Variants in RBL2 observed in about 807,000 individuals in gnomAD.
The protein encoded by RBL2 is retinoblastoma-like protein 2.
Under a neutral mutation model 126.0 loss-of-function variants are expected in RBL2, and 56 were observed. The ratio of observed to expected loss-of-function variants is 0.44; its 90% CI spans 0.36 to 0.56. The LOEUF (loss-of-function observed/expected upper bound fraction) is 0.56, where lower values mean the gene tolerates loss of function less well. RBL2 is among the 20% of genes least tolerant of loss of function. The pLI is 0.00. For missense variants in RBL2, 1,229 were observed against 1,398.2 expected (o/e 0.88, Z 1.93); for synonymous variants, 454 against 478.5 (o/e 0.95, Z 0.67).
chr16:53,479,158 C>G lies in RBL2; in HGVS notation c.2708C>G (p.Thr903Arg). ...MCAIYVMAKV[T>R]KEDKSFQNIM... ...AGCACTCTTATTGTTTGCCAGGTCA[C>G]AAAAGAAGATAAGTCCTTCCAGAAC... The change falls in exon 18 of 22, where the codon ACA becomes AGA. Residue 903 changes from threonine to arginine, a missense_variant. Physicochemically the swap from Thr to Arg is moderately conservative, Grantham distance 71 (BLOSUM62 -1). This residue lies in a region of RBL2 where 1,070 missense variants were observed against 1,274.3 expected (regional missense o/e 0.84). Coordinates refer to ENST00000262133, the MANE Select transcript of RBL2 (RefSeq NM_005611.4). The G allele has an allele frequency of 1.2e-6, 2 of 1,613,344 alleles. No homozygotes were observed. Among genetic ancestry groups the G allele is most frequent in the Admixed American group, 1.7e-5 (1 of 59,994 alleles).
intron 8 of RBL2, among the ~76,000 whole-genome samples, chr16:53,455,793 G>A (rs13332406): frequency 0.47 from 71,376 of 151,980 alleles, 17,383 homozygotes; most frequent in Middle Eastern, 0.61. Flanking sequence ...ATGCAAAGCC[G>A]TGAGGTTGGA....
chr16:53,487,924 A>G (rs1194571813), intron 21 of RBL2: 2 of 152,242 alleles, frequency 1.3e-5, no homozygotes, highest in African/African-American at 4.8e-5. Context: ...AAAAGTGACA[A>G]ATCGTAAGTT....
chr16:53,487,492 C>CAA, intron 21 of RBL2: 1 of 152,306 alleles, frequency 6.6e-6, no homozygotes, highest in Non-Finnish European at 1.5e-5. Context: ...GTGCATATAA[C>CAA]AAAATAATAG....
rs1370426827 is a variant in RBL2, at chr16:53,451,605, A to G, written c.638-98A>G. The G allele has an allele frequency of 3.0e-6, 4 of 1,355,634 alleles. No homozygotes were observed. The South Asian group carries it at 4.3e-5, about 15-fold the overall frequency. The allele number at this position is 1,355,634 out of a possible 1,614,324, so 84.0% of individuals were successfully genotyped here. A position where few individuals can be genotyped will look rare whatever the true frequency, so the allele number is the denominator to read the frequency against. On this transcript the variant is annotated intron_variant, in intron 4 of 21. Transcript: ENST00000262133. ...TATTGTAATGAGTCAATTTTGTACA[A>G]TTGTTTTGTAATGTCATAATAAGTA...
intron 17 of RBL2, among the ~76,000 whole-genome samples, chr16:53,471,287 A>G (rs1192499455): frequency 6.6e-6 from 1 of 152,198 alleles, no homozygotes; most frequent in East Asian, 1.9e-4. Flanking sequence ...TGGGTCATAC[A>G]TTAACTGTGT....
chr16:53,482,244 C>T (rs917314234), intron 21 of RBL2, among the ~76,000 whole-genome samples: 6 of 152,180 alleles, frequency 3.9e-5, no homozygotes, highest in Non-Finnish European at 7.4e-5. Flanking sequence ...ACATTTTTGA[C>T]ATTGCAGTGC....
chr16:53,447,094 A>G lies in RBL2; in HGVS notation c.625A>G (p.Ile209Val), dbSNP rs1202936995. 9 of 1,549,530 alleles carry G rather than the reference A, an allele frequency of 5.8e-6. No individual in the cohort carries two copies. In the African/African-American group the frequency reaches 1.1e-4, roughly 19 times the overall value. ...TTTCCATTTTTGTTGGGTGCTTTTT[A>G]TATATGCAAAAGGTAAGAAAATAGT... ...EIFHFCWVLFIYAKGNFPMIS... is the reference protein window; with the variant it reads ...EIFHFCWVLFVYAKGNFPMIS... Residue 209 changes from isoleucine (I) to valine (V), a missense_variant, in exon 4 of 22, where the codon ATA (isoleucine) becomes GTA (valine). Around this residue, in one of 2 missense-constraint regions of RBL2, gnomAD observed 1,070 missense variants for 1,274.3 expected, o/e 0.84. Coordinates refer to ENST00000262133, the MANE Select transcript of RBL2 (RefSeq NM_005611.4).
intron 20 of RBL2, chr16:53,481,318 G>A (rs1186723718): frequency 4.6e-6 from 1 of 218,948 alleles, no homozygotes; most frequent in East Asian, 1.3e-4. Flanking sequence ...GGCTACATGG[G>A]TTCAAATTTT....
At chr16:53,473,772 G>GT (rs1004775039) in intron 17 of RBL2, among the ~76,000 whole-genome samples, 2 of 151,652 alleles carry the variant, frequency 1.3e-5, no homozygotes, top group Non-Finnish European at 2.9e-5. Flanking sequence ...AGTAGTTATG[G>GT]TTTTTTTCAT....
At chr16:53,449,708 G>A (rs530877508) in intron 4 of RBL2, 3 of 151,136 alleles carry the variant, frequency 2.0e-5, no homozygotes, top group Admixed American at 6.6e-5. Flanking sequence ...TCATTTATTT[G>A]GGGGAAAGGT....
chr16:53,453,693 C>T lies in RBL2; in HGVS notation c.928-12C>T, dbSNP rs756810203. On this transcript the variant is annotated splice_polypyrimidine_tract_variant and intron_variant, in intron 6 of 21. Transcript: ENST00000262133. ...TAACATGACGACTTAAGGATCTCTT[C>T]TTTCATCATAGCTCCTTAAGGGAAA... The T allele has an allele frequency of 6.2e-7, 1 of 1,607,080 alleles. No homozygotes were observed. Among genetic ancestry groups the T allele is most frequent in the Non-Finnish European group, 8.5e-7 (1 of 1,177,348 alleles).
chr16:53,445,148 G>A (rs1051033956), intron 3 of RBL2, among the ~76,000 whole-genome samples: 2 of 151,824 alleles, frequency 1.3e-5, no homozygotes, highest in Non-Finnish European at 2.9e-5. Context: ...ACAGTATGGC[G>A]AAACTTCATC....
At chr16:53,436,022 C>T (rs188749085) in intron 1 of RBL2, among the ~76,000 whole-genome samples, 174 of 152,304 alleles carry the variant, frequency 1.1e-3, no homozygotes, top group African/African-American at 4.0e-3. Context: ...GCACATAAAG[C>T]ACCCATATGG....
intron 9 of RBL2, among the ~76,000 whole-genome samples, chr16:53,460,117 A>G (rs1424649105): frequency 1.3e-5 from 2 of 152,204 alleles, no homozygotes; most frequent in African/African-American, 4.8e-5. Context: ...AGTTCACTGC[A>G]TTTAGTTCCT....
At chr16:53,469,229 CAA>C (rs2058298163) in intron 14 of RBL2, among the ~76,000 whole-genome samples, 1 of 151,466 alleles carries the variant, frequency 6.6e-6, no homozygotes, top group South Asian at 2.1e-4. Context: ...GACTCTGTCT[CAA>C]AAAATAAAAA....
At chr16:53,437,640 G>A (rs1211971640) in intron 1 of RBL2, among the ~76,000 whole-genome samples, 1 of 152,192 alleles carries the variant, frequency 6.6e-6, no homozygotes, top group Non-Finnish European at 1.5e-5. Flanking sequence ...ATTCATGTAT[G>A]TGTTTTGATT....
chr16:53,465,399 TAATAATTATTC>T, intron 12 of RBL2, 28 bp from the exon 13 acceptor site: 1 of 1,289,132 alleles, frequency 7.8e-7, no homozygotes, highest in African/African-American at 1.6e-5. Context: ...TAAAAATATT[TAATAATTATTC>T]AGTGAACCAA....
chr16:53,440,682 T>C (rs749177181), intron 2 of RBL2, among the ~76,000 whole-genome samples: 1 of 152,086 alleles, frequency 6.6e-6, no homozygotes, highest in African/African-American at 2.4e-5. Context: ...GCCTCCCAAG[T>C]AGCTGGGATT....
intron 21 of RBL2, among the ~76,000 whole-genome samples, chr16:53,482,970 T>C (rs1961015758): frequency 6.6e-6 from 1 of 152,146 alleles, no homozygotes; most frequent in African/African-American, 2.4e-5. Context: ...TGATCCTGCA[T>C]AGGAAAACGT....
Sources: gnomAD v4.1 joint callset for allele counts (sites outside exome capture counted in the v4.1 genomes callset) on GRCh38, gnomAD v4.1.1 for gene constraint, gnomAD v4.1.1 regional missense constraint, MANE v1.5 for transcripts, NCBI Gene and HGNC (gene_info 2026-07-23, HGNC 2026-07-21) for gene names.